SMCO1: variants seen among roughly 807,000 people sequenced by gnomAD.
SMCO1 encodes the protein single-pass membrane and coiled-coil domain-containing protein 1.
A neutral mutation model predicts 7.5 loss-of-function variants in SMCO1; 9 were observed. That is an observed-to-expected ratio of 1.20 (90% CI 0.72 to 2.09). SMCO1 has a LOEUF of 2.09. SMCO1 is among the 30% of genes most tolerant of loss of function. The pLI is 0.00. For missense variants in SMCO1, 219 were observed against 253.1 expected, an observed-to-expected ratio of 0.87 and a Z score of 0.91; for synonymous variants, 90 against 93.8, an observed-to-expected ratio of 0.96 and a Z score of 0.23.
At chr3:196,512,666 T>TG (rs1560284593) in intron 1 of SMCO1, among the ~76,000 whole-genome samples, 63 of 151,608 alleles carry the variant, frequency 4.2e-4, no homozygotes, top group African/African-American at 1.4e-3. Context: ...CGCCACCACA[T>TG]CCGGCTAATT....
At position 196,509,554 on chromosome 3, in the gene SMCO1, G is replaced by C; in HGVS notation, c.166C>G (p.Gln56Glu). The C allele has an allele frequency of 6.2e-7, 1 of 1,613,920 alleles. No homozygotes were observed. The highest frequency in any genetic ancestry group is 8.5e-7 in the Non-Finnish European group (1 of 1,179,934). Reference sequence around the variant, plus strand: ...CGAACTGCTGTCCACATCTCATCTTGGGCTGCTTGGCTTGCCAAAGCCTTA... The same window carrying C: ...CGAACTGCTGTCCACATCTCATCTTCGGCTGCTTGGCTTGCCAAAGCCTTA... ...HSKALASQAA[Q>E]DEMWTAVRAL... The change falls in exon 2 of 3, where the codon CAA becomes GAA. Residue 56 changes from glutamine to glutamate, a missense_variant. By Grantham distance (29) the Gln-to-Glu change is conservative. Coordinates refer to ENST00000397537, the MANE Select transcript of SMCO1 (RefSeq NM_001077657.3).
chr3:196,514,672 C>G (rs141911578), intron 1 of SMCO1, among the ~76,000 whole-genome samples: 1 of 152,170 alleles, frequency 6.6e-6, no homozygotes, highest in African/African-American at 2.4e-5. Context: ...AGTTACAGCA[C>G]CTGGGAGCAG....
rs761570833 is a variant in SMCO1, at chr3:196,508,035, G to A, written c.497C>T (p.Thr166Met). ...KVRQMYIRDV[T>M]FLITNMVKNQ... is the part of the protein sequence containing the mutation. ...CTTTACCATGTTAGTAATTAGGAAC[G>A]TGACATCCCTGATGTACATCTGCCT... is the stretch of plus-strand genomic sequence containing the variant. Residue 166 changes from threonine to methionine, a missense_variant, in exon 3 of 3, where the codon ACG (threonine) becomes ATG (methionine). Thr to Met is a moderately conservative substitution (Grantham distance 81). Coordinates refer to ENST00000397537, the MANE Select transcript of SMCO1 (RefSeq NM_001077657.3). The A allele has an allele frequency of 1.8e-5, 29 of 1,613,960 alleles. No homozygotes were observed. The highest frequency in any genetic ancestry group is 5.3e-5 in the African/African-American group (4 of 74,918).
upstream of SMCO1, among the ~76,000 whole-genome samples, chr3:196,516,031 A>ATATATATATATAT (rs58801625): frequency 1.9e-5 from 2 of 105,702 alleles, no homozygotes; most frequent in South Asian, 2.9e-4. Flanking sequence ...ATATATATAT[A>ATATATATATATAT]ATTATATATA....
At position 196,508,241 on chromosome 3, in the gene SMCO1, G is replaced by A; in HGVS notation, c.291C>T (p.Asp97=). 6.2e-7 allele frequency: 1 copy of A among 1,614,072 alleles called. No homozygotes were observed. The highest frequency in any genetic ancestry group is 8.5e-7 in the Non-Finnish European group (1 of 1,180,014). ...CTAAGGTTGGAAGACCTCTCACCAGGTCTGGCAGCTTCTCAAGCACACGAG... is the reference window on the plus strand; with the variant it reads ...CTAAGGTTGGAAGACCTCTCACCAGATCTGGCAGCTTCTCAAGCACACGAG... ...LHTRVLEKLP[D]LVRGLPTLAS... The change falls in exon 3 of 3, where the codon GAC becomes GAT. Residue 97 remains aspartate (D), a synonymous_variant. Coordinates refer to ENST00000397537, the MANE Select transcript of SMCO1 (RefSeq NM_001077657.3).
chr3:196,511,601 A>G (rs57864513), intron 1 of SMCO1, among the ~76,000 whole-genome samples: 6 of 105,430 alleles, frequency 5.7e-5, no homozygotes, highest in South Asian at 3.5e-4. Flanking sequence ...TGCCTGGGCC[A>G]CCTAGATTGT....
At chr3:196,509,230 T>G (rs1287854736) in intron 2 of SMCO1, among the ~76,000 whole-genome samples, 1 of 147,948 alleles carries the variant, frequency 6.8e-6, no homozygotes, top group Non-Finnish European at 1.5e-5. Context: ...TTTTTTTTTT[T>G]TTTTTTTGTA....
chr3:196,509,897 T>C (rs1453527703), intron 1 of SMCO1, among the ~76,000 whole-genome samples: 1 of 152,216 alleles, frequency 6.6e-6, no homozygotes. Context: ...CCTTGTCCTT[T>C]CATTCCATAT....
chr3:196,519,696 A>C (rs1190042401), upstream of SMCO1, among the ~76,000 whole-genome samples: 1 of 152,222 alleles, frequency 6.6e-6, no homozygotes, highest in Non-Finnish European at 1.5e-5. Flanking sequence ...CCTCCGTTAA[A>C]GAAGCCTTGC....
At chr3:196,513,536 G>A (rs532835690) in intron 1 of SMCO1, among the ~76,000 whole-genome samples, 2 of 149,818 alleles carry the variant, frequency 1.3e-5, no homozygotes, top group South Asian at 4.2e-4. Flanking sequence ...GGCTGAGGCA[G>A]GAGAATCACT....
intron 1 of SMCO1, among the ~76,000 whole-genome samples, chr3:196,512,515 T>C (rs1036050493): frequency 1.4e-5 from 2 of 144,628 alleles, no homozygotes; most frequent in East Asian, 2.0e-4. Flanking sequence ...CTTTCTTTTT[T>C]TTTTTTTTTT....
At chr3:196,515,725 G>A (rs1321523076), upstream of SMCO1, among the ~76,000 whole-genome samples, 1 of 151,786 alleles carries the variant, frequency 6.6e-6, no homozygotes, top group Non-Finnish European at 1.5e-5. Flanking sequence ...TTATGGCTGG[G>A]TATGGTGGCT....
upstream of SMCO1, among the ~76,000 whole-genome samples, chr3:196,516,121 ATATT>A (rs1733386438): frequency 6.9e-6 from 1 of 145,018 alleles, no homozygotes; most frequent in South Asian, 2.1e-4. Context: ...AATTATATAT[ATATT>A]AGATTAGGAA....
chr3:196,509,789 TTTTAC>T, intron 1 of SMCO1, 120 bp from the exon 2 acceptor site: 35 of 781,630 alleles, frequency 4.5e-5, no homozygotes, highest in Non-Finnish European at 6.2e-5. Flanking sequence ...ACTTTTTTTT[TTTTAC>T]TTTTACTTTA....
At chr3:196,515,988 GATATATATATATATATATAT>G (rs200613159), upstream of SMCO1, among the ~76,000 whole-genome samples, 31 of 23,892 alleles carry the variant, frequency 1.3e-3, no homozygotes, top group Admixed American at 7.3e-3. Context: ...AAGAGGATAG[GATATATATATATATATATAT>G]ATATATATAT....
chr3:196,516,520 C>A (rs989625486), upstream of SMCO1, among the ~76,000 whole-genome samples: 20 of 152,074 alleles, frequency 1.3e-4, no homozygotes, highest in African/African-American at 4.6e-4. Context: ...ATAACCACAC[C>A]ATTTAAACTG....
chr3:196,508,030 G>GGAACGT lies in SMCO1; in HGVS notation c.496_501dup (p.Thr166_Phe167dup). On this transcript the variant is annotated inframe_insertion, in exon 3 of 3. Transcript: ENST00000397537. ...TGGTTCTTTACCATGTTAGTAATTA[G>GGAACGT]GAACGTGACATCCCTGATGTACATC... 1.2e-6 allele frequency: 2 copies of GGAACGT among 1,614,110 alleles called. No homozygotes were observed. The highest frequency in any genetic ancestry group is 1.7e-6 in the Non-Finnish European group (2 of 1,179,984).
chr3:196,511,284 T>C (rs550065262), intron 1 of SMCO1, among the ~76,000 whole-genome samples: 1 of 141,290 alleles, frequency 7.1e-6, no homozygotes, highest in East Asian at 2.0e-4. Flanking sequence ...ATTGTCCTTA[T>C]GAGGGAAACT....
intron 1 of SMCO1, among the ~76,000 whole-genome samples, chr3:196,512,195 C>CTAGATTGTCGTTATGAGGGAAACCCCATG (rs1379041406): frequency 1.4e-4 from 21 of 145,958 alleles, no homozygotes; most frequent in Non-Finnish European, 2.8e-4. Flanking sequence ...CCTGGGCCGC[C>CTAGATTGTCGTTATGAGGGAAACCCCATG]TAGATTGTGG....
Sources: gnomAD v4.1 joint callset for allele counts (sites outside exome capture counted in the v4.1 genomes callset) on GRCh38, gnomAD v4.1.1 for gene constraint, MANE v1.5 for transcripts, NCBI Gene and HGNC (gene_info 2026-07-23, HGNC 2026-07-21) for gene names.